PACRG: variants seen among roughly 807,000 people sequenced by gnomAD.
PACRG encodes the protein parkin coregulated.
Under a neutral mutation model 29.7 loss-of-function variants are expected in PACRG, and 29 were observed. The ratio of observed to expected loss-of-function variants is 0.98; its 90% confidence interval spans 0.73 to 1.33. The LOEUF (loss-of-function observed/expected upper bound fraction) is 1.33, where lower values mean the gene tolerates loss of function less well. Among genes scored for constraint, PACRG ranks in the 40% most tolerant of loss-of-function variants. The pLI is 0.00. For synonymous variants in PACRG, 116 were observed against 118.7 expected (o/e 0.98, Z 0.15); for missense variants, 279 against 316.2 (o/e 0.88, Z 0.89).
At chr6:163,145,695 G>A (rs901922636) in intron 4 of PACRG, among the ~76,000 whole-genome samples, 6 of 152,212 alleles carry the variant, frequency 3.9e-5, no homozygotes, top group African/African-American at 1.2e-4. Context: ...TACCTGGAGC[G>A]GTTAATCCAT....
chr6:162,852,001 G>A lies in PACRG; in HGVS notation c.291+37720G>A, dbSNP rs140883518. ...AGAAAAGAAAAGGGAGGGAGGGAGG[G>A]AGGGAGGAAGGAAGGAAGGAAGGAA... On this transcript the variant is annotated intron_variant, in intron 2 of 4. Transcript: ENST00000366888. Among the ~76,000 whole-genome samples the A allele has an allele frequency of 4.0e-3, 401 of 100,032 alleles. 2 individuals are homozygous for A. Among genetic ancestry groups the A allele is most frequent in the Non-Finnish European group, 5.5e-3 (289 of 52,198 alleles). 65.6% of individuals were successfully genotyped at this position (100,032 alleles called of 152,430 possible). A position where few individuals can be genotyped will look rare whatever the true frequency, so the allele number is the denominator to read the frequency against.
rs57942658 is a variant in PACRG at position 163,197,434 on chromosome 6, C to CTTTTTT, written c.613+108046_613+108051dup. Among the ~76,000 whole-genome samples, 608 of 106,332 alleles carry CTTTTTT rather than the reference C, an allele frequency of 5.7e-3. 1 individual carries two copies. The highest frequency in any genetic ancestry group is 8.0e-3 in the Non-Finnish European group (416 of 52,162). 69.8% of individuals were successfully genotyped at this position (106,332 alleles called of 152,430 possible). A position where few individuals can be genotyped will look rare whatever the true frequency, so the allele number is the denominator to read the frequency against. ...ACTGGTGGCTATTTTCTTTTCTTTTCTTTTTTTTTTTTTTTTTTTTTTTTT... is the reference window on the plus strand; with the variant it reads ...ACTGGTGGCTATTTTCTTTTCTTTTCTTTTTTTTTTTTTTTTTTTTTTTTTTTTTTT... On this transcript the variant is annotated intron_variant, in intron 4 of 4. Transcript: ENST00000366888.
intron 1 of PACRG, among the ~76,000 whole-genome samples, chr6:162,811,705 T>C (rs1786884854): frequency 6.6e-6 from 1 of 152,184 alleles, no homozygotes; most frequent in Admixed American, 6.5e-5. Flanking sequence ...GTAATCCATA[T>C]GACCTTTAAA....
intron 4 of PACRG, among the ~76,000 whole-genome samples, chr6:163,282,730 A>G (rs1784261946): frequency 6.6e-6 from 1 of 151,450 alleles, no homozygotes; most frequent in African/African-American, 2.4e-5. Context: ...AAAAAAAAAG[A>G]AAAGAAATTC....
chr6:162,996,379 T>C (rs1804050249), intron 2 of PACRG, among the ~76,000 whole-genome samples: 1 of 152,168 alleles, frequency 6.6e-6, no homozygotes, highest in Non-Finnish European at 1.5e-5. Flanking sequence ...ATGGAGGTGA[T>C]AAAAGTAATT....
chr6:162,864,331 A>G (rs1274446598), intron 2 of PACRG, among the ~76,000 whole-genome samples: 4 of 152,226 alleles, frequency 2.6e-5, no homozygotes, highest in Non-Finnish European at 5.9e-5. Context: ...GCCACAGAGT[A>G]GAGTTGGAAA....
chr6:162,844,972 G>C (rs1038937785), intron 2 of PACRG, among the ~76,000 whole-genome samples: 1 of 152,024 alleles, frequency 6.6e-6, no homozygotes, highest in African/African-American at 2.4e-5. Flanking sequence ...AATCCAATGT[G>C]AGTCTGCCTA....
chr6:163,223,871 GA>G (rs1010728465), intron 4 of PACRG, among the ~76,000 whole-genome samples: 1 of 152,166 alleles, frequency 6.6e-6, no homozygotes, highest in South Asian at 2.1e-4. Context: ...AAATAAAGTA[GA>G]AACAGAGTGA....
At chr6:163,116,237 C>T (rs1384202139) in intron 4 of PACRG, among the ~76,000 whole-genome samples, 2 of 152,088 alleles carry the variant, frequency 1.3e-5, no homozygotes, top group African/African-American at 2.4e-5. Flanking sequence ...GAAGCAGGCC[C>T]GTCTTACATG....
At chr6:163,034,570 C>T (rs1807983059) in intron 2 of PACRG, among the ~76,000 whole-genome samples, 1 of 152,156 alleles carries the variant, frequency 6.6e-6, no homozygotes, top group African/African-American at 2.4e-5. Flanking sequence ...TAAGTTGGGC[C>T]TCTAATTCAA....
chr6:163,120,099 A>T (rs554301727), intron 4 of PACRG, among the ~76,000 whole-genome samples: 17 of 152,234 alleles, frequency 1.1e-4, no homozygotes, highest in African/African-American at 4.1e-4. Context: ...TTGCTTACAG[A>T]GTAGGTAGAG....
intron 2 of PACRG, among the ~76,000 whole-genome samples, chr6:163,024,756 TG>T (rs762513992): frequency 2.0e-5 from 3 of 152,224 alleles, no homozygotes; most frequent in Non-Finnish European, 2.9e-5. Context: ...TAGTTCTCCT[TG>T]TAGAGATCTT....
intron 4 of PACRG, among the ~76,000 whole-genome samples, chr6:163,177,370 A>T (rs1779414789): frequency 6.6e-6 from 1 of 152,174 alleles, no homozygotes; most frequent in Non-Finnish European, 1.5e-5. Flanking sequence ...GAGACAGAAG[A>T]TGAGCCTGAG....
At position 162,787,582 on chromosome 6, in the gene PACRG, GTATATATATATATATATA is replaced by G. The variant is rs869254835; in HGVS notation, c.157-26543_157-26526del. ...ATTGTGTGTGTGTGTGTGTGTGTGT[GTATATATATATATATATA>G]TATATATATATATATATATATGGTT... is the stretch of plus-strand genomic sequence containing the variant. On this transcript the variant is annotated intron_variant, in intron 1 of 4. Transcript: ENST00000366888. Among the ~76,000 whole-genome samples, 11 of 62,414 alleles carry G rather than the reference GTATATATATATATATATA, an allele frequency of 1.8e-4. No homozygotes were observed. In the East Asian group the frequency reaches 5.7e-3, roughly 32 times the overall value. 40.9% of individuals were successfully genotyped at this position (62,414 alleles called of 152,430 possible). A position where few individuals can be genotyped will look rare whatever the true frequency, so the allele number is the denominator to read the frequency against.
In PACRG at chr6:162,801,869, A is replaced by G. The variant is rs1472126696; in HGVS notation, c.157-12278A>G. Among the ~76,000 whole-genome samples, 9 of 152,284 alleles carry G rather than the reference A, an allele frequency of 5.9e-5. No homozygotes were observed. In the East Asian group the frequency reaches 1.7e-3, roughly 29 times the overall value. ...AATTCTGATTTAACTGTTAACTACA[A>G]AAGTTGTAAATGGACAAATACAGGG... On this transcript the variant is annotated intron_variant, in intron 1 of 4. Transcript: ENST00000366888.
At chr6:162,764,529 T>G (rs1018563733) in intron 1 of PACRG, among the ~76,000 whole-genome samples, 6 of 152,164 alleles carry the variant, frequency 3.9e-5, no homozygotes, top group African/African-American at 1.4e-4. Flanking sequence ...AAACTCAGCA[T>G]TATCCTTAAA....
chr6:162,810,702 A>C (rs928356801), intron 1 of PACRG, among the ~76,000 whole-genome samples: 1 of 152,200 alleles, frequency 6.6e-6, no homozygotes, highest in Non-Finnish European at 1.5e-5. Context: ...CAGAAGGAAG[A>C]ATCCACAAAC....
upstream of PACRG, chr6:162,727,322 G>C (rs1040032673): frequency 5.5e-5 from 21 of 383,224 alleles, no homozygotes; most frequent in Admixed American, 9.7e-5. Context: ...CGAAGGTGAG[G>C]GGCGGCGGCG....
At chr6:163,201,391 C>G (rs2128149582) in intron 4 of PACRG, among the ~76,000 whole-genome samples, 1 of 152,318 alleles carries the variant, frequency 6.6e-6, no homozygotes, top group African/African-American at 2.4e-5. Context: ...GTCCCAATTT[C>G]TTTAAGACAC....
Sources: gnomAD v4.1 joint callset for allele counts (sites outside exome capture counted in the v4.1 genomes callset) on GRCh38, gnomAD v4.1.1 for gene constraint, MANE v1.5 for transcripts, NCBI Gene and HGNC (gene_info 2026-07-23, HGNC 2026-07-21) for gene names.